DLGAP2: variants seen among roughly 807,000 people sequenced by gnomAD.
DLGAP2 encodes DLG associated protein 2.
A neutral mutation model predicts 100.3 loss-of-function variants in DLGAP2; 26 were observed. That is an observed-to-expected ratio of 0.26 (90% CI 0.19 to 0.36). The LOEUF is 0.36. Ranked by LOEUF, DLGAP2 falls within the 10% of genes least tolerant of loss-of-function variation. DLGAP2 has a pLI of 1.00. For synonymous variants in DLGAP2, 886 were observed against 630.1 expected, an observed-to-expected ratio of 1.41 and a Z score of -6.08; for missense variants, 1,858 against 1,453.2, an observed-to-expected ratio of 1.28 and a Z score of -4.53.
At chr8:1,037,729 C>G (rs1802175997) in intron 2 of DLGAP2, among the ~76,000 whole-genome samples, 1 of 152,180 alleles carries the variant, frequency 6.6e-6, no homozygotes, top group Non-Finnish European at 1.5e-5. Context: ...AAACCCAGCC[C>G]CCTTTTAGCC....
At chr8:1,370,678 C>A (rs565745285) in intron 3 of DLGAP2, among the ~76,000 whole-genome samples, 11 of 152,350 alleles carry the variant, frequency 7.2e-5, no homozygotes, top group African/African-American at 2.6e-4. Context: ...GCACCTGTTC[C>A]TGGGATCACC....
At chr8:962,657 G>A (rs767978759) in intron 2 of DLGAP2, among the ~76,000 whole-genome samples, 1 of 152,078 alleles carries the variant, frequency 6.6e-6, no homozygotes, top group Non-Finnish European at 1.5e-5. Flanking sequence ...GAGAGGCTCC[G>A]CTTGGTATTC....
intron 3 of DLGAP2, among the ~76,000 whole-genome samples, chr8:1,447,905 T>C (rs1798026421): frequency 6.6e-6 from 1 of 152,220 alleles, no homozygotes; most frequent in Non-Finnish European, 1.5e-5. Flanking sequence ...TGATGGTAGT[T>C]TGTATTTCTG....
intron 3 of DLGAP2, among the ~76,000 whole-genome samples, chr8:1,322,505 A>C (rs1800927371): frequency 6.6e-6 from 1 of 152,066 alleles, no homozygotes; most frequent in South Asian, 2.1e-4. Flanking sequence ...GTGACTTCAC[A>C]CGTGTTGATC....
intron 3 of DLGAP2, among the ~76,000 whole-genome samples, chr8:1,371,947 C>A (rs1307389537): frequency 3.3e-5 from 5 of 152,208 alleles, no homozygotes; most frequent in African/African-American, 1.2e-4. Flanking sequence ...GAAAAGAGAG[C>A]CAGGGAGAAC....
chr8:1,092,928 G>C (rs1010263399), intron 2 of DLGAP2, among the ~76,000 whole-genome samples: 1 of 152,192 alleles, frequency 6.6e-6, no homozygotes, highest in Non-Finnish European at 1.5e-5. Flanking sequence ...CCCCATAGGG[G>C]TGTTTGTGGA....
At chr8:1,043,053 G>T (rs1385369125) in intron 2 of DLGAP2, among the ~76,000 whole-genome samples, 1 of 135,038 alleles carries the variant, frequency 7.4e-6, no homozygotes, top group African/African-American at 2.8e-5. Context: ...GATGTGGCTG[G>T]CAGGTGGTGG....
intron 2 of DLGAP2, among the ~76,000 whole-genome samples, chr8:1,062,257 C>T (rs1012325833): frequency 1.3e-5 from 2 of 152,196 alleles, no homozygotes; most frequent in African/African-American, 4.8e-5. Flanking sequence ...ATGGGCCATG[C>T]ATCGCAGTCC....
intron 3 of DLGAP2, among the ~76,000 whole-genome samples, chr8:1,359,896 C>G (rs1215372180): frequency 6.6e-6 from 1 of 152,248 alleles, no homozygotes; most frequent in Non-Finnish European, 1.5e-5. Flanking sequence ...TAAAGAAAAT[C>G]TCTTGGAATT....
At chr8:1,497,390 G>A (rs541908278) in intron 3 of DLGAP2, among the ~76,000 whole-genome samples, 126 of 152,292 alleles carry the variant, frequency 8.3e-4, no homozygotes, top group Non-Finnish European at 1.4e-3. Flanking sequence ...TTACGGTCAC[G>A]TGATTTCAGA....
At chr8:1,094,915 G>T (rs915865428) in intron 2 of DLGAP2, among the ~76,000 whole-genome samples, 14 of 152,218 alleles carry the variant, frequency 9.2e-5, no homozygotes, top group Non-Finnish European at 1.9e-4. Context: ...TTTCCTGAGG[G>T]TTTAGTTTAA....
At chr8:1,426,490 C>T (rs765294743) in intron 3 of DLGAP2, among the ~76,000 whole-genome samples, 12 of 152,070 alleles carry the variant, frequency 7.9e-5, no homozygotes, top group Non-Finnish European at 1.6e-4. Flanking sequence ...TCCCAGAGGT[C>T]GACAGAAAAG....
At chr8:1,177,705 G>A (rs77823309) in intron 2 of DLGAP2, among the ~76,000 whole-genome samples, 5,277 of 152,258 alleles carry the variant, frequency 0.035, 336 homozygotes, top group African/African-American at 0.12. Flanking sequence ...CTAGAGGCTG[G>A]AAGTCTGAGA....
At chr8:960,381 A>G (rs1799698382) in intron 2 of DLGAP2, among the ~76,000 whole-genome samples, 1 of 151,676 alleles carries the variant, frequency 6.6e-6, no homozygotes, top group African/African-American at 2.4e-5. Context: ...GATTACAGGC[A>G]GGCACCACCA....
At chr8:1,549,756 T>A in intron 5 of DLGAP2, 73 bp downstream of exon 5, 1 of 1,405,776 alleles carries the variant, frequency 7.1e-7, no homozygotes. Context: ...CTTTTTTAAT[T>A]GACAGATAAC....
chr8:890,996 G>T (rs765966220), intron 1 of DLGAP2, among the ~76,000 whole-genome samples: 3 of 152,140 alleles, frequency 2.0e-5, no homozygotes, highest in Admixed American at 6.5e-5. Context: ...AGTGCTATTG[G>T]GTTTGCAGGG....
At chr8:1,536,113 A>T (rs115614978) in intron 4 of DLGAP2, among the ~76,000 whole-genome samples, 3 of 152,192 alleles carry the variant, frequency 2.0e-5, no homozygotes, top group Non-Finnish European at 4.4e-5. Flanking sequence ...ACAAGCACCT[A>T]GGGCAGGTGG....
chr8:1,036,986 G>C (rs1053051873), intron 2 of DLGAP2, among the ~76,000 whole-genome samples: 1 of 152,076 alleles, frequency 6.6e-6, no homozygotes, highest in Non-Finnish European at 1.5e-5. Context: ...AGGGGCCGTG[G>C]AGCCTCCTGA....
intron 3 of DLGAP2, among the ~76,000 whole-genome samples, chr8:1,354,283 A>T (rs181299980): frequency 1.1e-3 from 167 of 152,324 alleles, no homozygotes; most frequent in African/African-American, 3.0e-3. Flanking sequence ...AGACGGGTGG[A>T]TTGCCTGAGG....
Sources: gnomAD v4.1 joint callset for allele counts (sites outside exome capture counted in the v4.1 genomes callset) on GRCh38, gnomAD v4.1.1 for gene constraint, MANE v1.5 for transcripts, NCBI Gene and HGNC (gene_info 2026-07-23, HGNC 2026-07-21) for gene names.